DLD: variants seen among roughly 807,000 people sequenced by gnomAD.
The protein encoded by DLD is dihydrolipoyl dehydrogenase, mitochondrial.
In DLD, 36 loss-of-function variants were observed where a neutral mutation model predicts 62.2. The ratio of observed to expected loss-of-function variants is 0.58; its 90% confidence interval spans 0.44 to 0.76. The LOEUF is 0.76. Among genes scored for constraint, DLD ranks in the 30% least tolerant of loss-of-function variants. DLD has a pLI of 0.00. For missense variants in DLD, 541 were observed against 608.6 expected (o/e 0.89, Z 1.17); for synonymous variants, 204 against 199.6 (o/e 1.02, Z -0.19).
chr7:107,919,081 A>G lies in DLD; in HGVS notation c.1446A>G (p.Arg482=). The change falls in exon 13 of 14, where the codon AGA becomes AGG. Residue 482 remains arginine, a synonymous_variant. Coordinates refer to ENST00000205402, the MANE Select transcript of DLD (RefSeq NM_000108.5). ...EYGASCEDIA[R]VCHAHPTLSE... Reference sequence around the variant, plus strand: ...GAGCATCCTGTGAAGATATAGCTAGAGTCTGTCATGCACATCCGGTAATTA... The same window carrying G: ...GAGCATCCTGTGAAGATATAGCTAGGGTCTGTCATGCACATCCGGTAATTA... The G allele has an allele frequency of 6.2e-7, 1 of 1,613,896 alleles. No individual in the cohort carries two copies. The highest frequency in any genetic ancestry group is 8.5e-7 in the Non-Finnish European group (1 of 1,179,794).
At chr7:107,911,691 G>GT (rs373033716) in intron 8 of DLD, among the ~76,000 whole-genome samples, 2,065 of 150,006 alleles carry the variant, frequency 0.014, 37 homozygotes, top group African/African-American at 0.048. Flanking sequence ...TCACTGTGGG[G>GT]TTTTTTTTTC....
Position 107,903,494 on chromosome 7 carries a change from C to A in DLD, c.284C>A (p.Ser95Tyr). Reference sequence around the variant, plus strand: ...TTCCTTTAGGCTTTATTGAACAACTCTCATTATTACCATATGGCCCATGGA... The same window carrying A: ...TTCCTTTAGGCTTTATTGAACAACTATCATTATTACCATATGGCCCATGGA... ...CIPSKALLNN[S>Y]HYYHMAHGKD... Residue 95 changes from serine (S) to tyrosine (Y), a missense_variant, in exon 5 of 14, where the codon TCT becomes TAT. Ser to Tyr is a moderately radical substitution (Grantham distance 144). Coordinates refer to ENST00000205402, the MANE Select transcript of DLD (RefSeq NM_000108.5). 6.3e-7 allele frequency: 1 copy of A among 1,589,948 alleles called. No homozygotes were observed. The highest frequency in any genetic ancestry group is 1.1e-5 in the South Asian group (1 of 90,508).
chr7:107,908,174 C>T (rs1422083094), intron 8 of DLD, among the ~76,000 whole-genome samples: 4 of 145,458 alleles, frequency 2.7e-5, no homozygotes, highest in Admixed American at 7.0e-5. Context: ...TTTTTGAGTC[C>T]GAGTCTTGCT....
At chr7:107,898,798 T>C (rs1047926623) in intron 2 of DLD, among the ~76,000 whole-genome samples, 1 of 149,382 alleles carries the variant, frequency 6.7e-6, no homozygotes, top group Non-Finnish European at 1.5e-5. Flanking sequence ...TTGGTCTTGA[T>C]CTCCTGACCT....
chr7:107,894,440 T>G (rs1411745956), intron 2 of DLD, among the ~76,000 whole-genome samples: 1 of 152,192 alleles, frequency 6.6e-6, no homozygotes, highest in Non-Finnish European at 1.5e-5. Flanking sequence ...TAGTAACCCA[T>G]GACTAACAGT....
intron 8 of DLD, among the ~76,000 whole-genome samples, chr7:107,914,556 C>T (rs996299163): frequency 9.2e-5 from 14 of 152,040 alleles, no homozygotes; most frequent in African/African-American, 2.4e-4. Flanking sequence ...TTTATATATA[C>T]GTATTGTTAG....
At chr7:107,892,737 G>A (rs1308435262) in intron 1 of DLD, among the ~76,000 whole-genome samples, 1 of 151,856 alleles carries the variant, frequency 6.6e-6, no homozygotes, top group African/African-American at 2.4e-5. Context: ...TAGTAGAGTC[G>A]GGGCTTCACT....
intron 8 of DLD, among the ~76,000 whole-genome samples, chr7:107,910,841 G>A (rs13245239): frequency 3.3e-5 from 5 of 152,080 alleles, no homozygotes; most frequent in African/African-American, 4.8e-5. Context: ...AAAGAGTAGG[G>A]CACTTGTCTA....
chr7:107,913,013 A>T (rs145203171), intron 8 of DLD, among the ~76,000 whole-genome samples: 1 of 152,128 alleles, frequency 6.6e-6, no homozygotes, highest in Non-Finnish European at 1.5e-5. Context: ...ATTCTTCCGC[A>T]TACGGTTATC....
At chr7:107,914,225 T>G (rs548422934) in intron 8 of DLD, among the ~76,000 whole-genome samples, 1 of 152,250 alleles carries the variant, frequency 6.6e-6, no homozygotes, top group Non-Finnish European at 1.5e-5. Flanking sequence ...ATTTGTCCAT[T>G]TTTTATTGAA....
chr7:107,916,661 ACT>A (rs1207499060), intron 9 of DLD, 131 bp from the exon 10 acceptor site: 9 of 931,578 alleles, frequency 9.7e-6, no homozygotes, highest in Admixed American at 1.8e-5. Context: ...ACAGAGCAAG[ACT>A]CTGTCTCAAA....
intron 7 of DLD, 184 bp downstream of exon 7, chr7:107,905,688 T>G: frequency 3.2e-6 from 2 of 633,254 alleles, no homozygotes; most frequent in Admixed American, 2.8e-5. Context: ...ATAGAACACT[T>G]TATATTAAGA....
At position 107,919,318 on chromosome 7, in the gene DLD, A is replaced by G. The variant is rs2116279394; in HGVS notation, c.*59A>G. ...TCCTGGGAGCTTTTGTAGAAGTCAC[A>G]TTCCTGAACAGGATATTCTCACAGC... On this transcript the variant is annotated 3_prime_UTR_variant, in exon 14 of 14. Transcript: ENST00000205402. 3.0e-6 allele frequency: 4 copies of G among 1,316,578 alleles called. No homozygotes were observed. Among genetic ancestry groups the G allele is most frequent in the South Asian group, 2.4e-5 (2 of 82,376 alleles). 81.6% of individuals were successfully genotyped at this position (1,316,578 alleles called of 1,614,324 possible).
Position 107,903,511 on chromosome 7 carries a change from G to A in DLD, c.301G>A (p.Ala101Thr). 6.3e-7 allele frequency: 1 copy of A among 1,597,420 alleles called. No homozygotes were observed. The highest frequency in any genetic ancestry group is 1.1e-5 in the South Asian group (1 of 90,678). ...GAACAACTCTCATTATTACCATATG[G>A]CCCATGGAAAAGATTTTGCATCTAG... ...LLNNSHYYHM[A>T]HGKDFASRGI... Residue 101 changes from alanine (A) to threonine (T), a missense_variant, in exon 5 of 14, where the codon GCC (alanine) becomes ACC (threonine). Ala to Thr is a moderately conservative substitution (Grantham distance 58). Coordinates refer to ENST00000205402, the MANE Select transcript of DLD (RefSeq NM_000108.5).
intron 2 of DLD, among the ~76,000 whole-genome samples, chr7:107,898,705 C>T (rs1163219457): frequency 1.3e-5 from 2 of 152,156 alleles, no homozygotes; most frequent in African/African-American, 2.4e-5. Flanking sequence ...ATTCTCCTGC[C>T]TCAGCCTCCC....
intron 2 of DLD, among the ~76,000 whole-genome samples, chr7:107,900,630 A>G (rs755023408): frequency 2.6e-5 from 4 of 152,250 alleles, no homozygotes; most frequent in African/African-American, 7.2e-5. Context: ...TAATGGAAAG[A>G]CCACCGGAAG....
At chr7:107,906,195 C>G in intron 7 of DLD, 72 bp from the exon 8 acceptor site, 1 of 916,592 alleles carries the variant, frequency 1.1e-6, no homozygotes, top group Non-Finnish European at 1.7e-6. Flanking sequence ...ATTTGGAACC[C>G]ATGGATATGG....
intron 2 of DLD, among the ~76,000 whole-genome samples, chr7:107,901,200 A>T (rs961294288): frequency 1.3e-5 from 2 of 152,142 alleles, no homozygotes; most frequent in African/African-American, 4.8e-5. Context: ...ATAGGTCTTA[A>T]ATTTATTGGA....
In DLD at chr7:107,915,591, T is replaced by C; in HGVS notation, c.770T>C (p.Ile257Thr). 2 of 1,613,864 alleles carry C rather than the reference T, an allele frequency of 1.2e-6. No individual in the cohort carries two copies. The highest frequency in any genetic ancestry group is 2.7e-5 in the African/African-American group (2 of 75,034). Residue 257 changes from isoleucine to threonine, a missense_variant, in exon 9 of 14, where the codon ATA (isoleucine) becomes ACA (threonine). By Grantham distance (89) the Ile-to-Thr change is moderately conservative. Transcript: ENST00000205402. ...GGTGGAGTTGGAATTGATATGGAGA[T>C]ATCTAAAAACTTTCAACGCATCCTT... ...HVGGVGIDMEISKNFQRILQK... is the reference protein window; with the variant it reads ...HVGGVGIDMETSKNFQRILQK...
Sources: gnomAD v4.1 joint callset for allele counts (sites outside exome capture counted in the v4.1 genomes callset) on GRCh38, gnomAD v4.1.1 for gene constraint, MANE v1.5 for transcripts, NCBI Gene and HGNC (gene_info 2026-07-23, HGNC 2026-07-21) for gene names.